The following EPHA3 variants were observed in gnomAD, a reference collection of about 807,000 sequenced individuals.
The protein encoded by EPHA3 is ephrin type-A receptor 3.
Under a neutral mutation model 107.1 loss-of-function variants are expected in EPHA3, and 42 were observed. The ratio of observed to expected loss-of-function variants is 0.39; its 90% CI spans 0.31 to 0.51. The LOEUF is 0.51. Ranked by LOEUF, EPHA3 falls within the 20% of genes least tolerant of loss-of-function variation. The pLI, the probability that EPHA3 is intolerant of heterozygous loss-of-function variation, is 0.78. For synonymous variants in EPHA3, 461 were observed against 424.8 expected, an observed-to-expected ratio of 1.09 and a Z score of -1.05; for missense variants, 1,183 against 1,211.2, an observed-to-expected ratio of 0.98 and a Z score of 0.35.
chr3:89,256,494 T>C (rs1705288763), intron 3 of EPHA3, among the ~76,000 whole-genome samples: 2 of 151,696 alleles, frequency 1.3e-5, no homozygotes, highest in Admixed American at 1.3e-4. Context: ...TCGCTTGGAC[T>C]CAGAGGTTGC....
At chr3:89,238,576 T>C (rs1424376799) in intron 3 of EPHA3, among the ~76,000 whole-genome samples, 1 of 152,202 alleles carries the variant, frequency 6.6e-6, no homozygotes, top group East Asian at 1.9e-4. Flanking sequence ...TCTCTTACTT[T>C]AGGAAAGTAT....
At chr3:89,223,115 A>G (rs538026275) in intron 3 of EPHA3, among the ~76,000 whole-genome samples, 4 of 152,190 alleles carry the variant, frequency 2.6e-5, no homozygotes, top group Non-Finnish European at 5.9e-5. Context: ...AGGGGCTTTC[A>G]TTGTTTATAC....
rs558568937 is a variant in EPHA3 at position 89,303,049 on chromosome 3, C to T, written c.815-37867C>T. ...CTGGGATTACTGGTATCTGCTACCACCCCTGGCTAAGTTTTTTCTATTTTT... is the reference window on the plus strand; with the variant it reads ...CTGGGATTACTGGTATCTGCTACCATCCCTGGCTAAGTTTTTTCTATTTTT... On this transcript the variant is annotated intron_variant, in intron 3 of 16. Coordinates refer to ENST00000336596, the MANE Select transcript of EPHA3 (RefSeq NM_005233.6). Among the ~76,000 whole-genome samples, 13 of 152,042 alleles carry T rather than the reference C, an allele frequency of 8.6e-5. No individual in the cohort carries two copies. The South Asian group carries it at 1.0e-3, about 12-fold the overall frequency.
chr3:89,293,674 C>T (rs1706273357), intron 3 of EPHA3, among the ~76,000 whole-genome samples: 1 of 151,982 alleles, frequency 6.6e-6, no homozygotes, highest in Non-Finnish European at 1.5e-5. Context: ...GCACTTCCCT[C>T]CTTGCTCTTT....
At chr3:89,348,066 C>G (rs1278748130) in intron 5 of EPHA3, among the ~76,000 whole-genome samples, 6 of 149,752 alleles carry the variant, frequency 4.0e-5, no homozygotes, top group African/African-American at 1.2e-4. Context: ...GGATATTGGT[C>G]TAAAATTCTC....
In EPHA3 at chr3:89,197,297, G is replaced by A. The variant is rs185102492; in HGVS notation, c.154-12563G>A. Among the ~76,000 whole-genome samples the A allele has an allele frequency of 7.2e-5, 11 of 151,960 alleles. No homozygotes were observed. The East Asian group carries it at 1.5e-3, about 21-fold the overall frequency. On this transcript the variant is annotated intron_variant, in intron 2 of 16. Coordinates refer to ENST00000336596, the MANE Select transcript of EPHA3 (RefSeq NM_005233.6). Reference sequence around the variant, plus strand: ...AACAACTGTGTAAGCACTTACTATCGATATTATCTATTAAGCCACTAAGCA... The same window carrying A: ...AACAACTGTGTAAGCACTTACTATCAATATTATCTATTAAGCCACTAAGCA...
intron 3 of EPHA3, among the ~76,000 whole-genome samples, chr3:89,210,852 G>A (rs1219832488): frequency 6.6e-6 from 1 of 152,054 alleles, no homozygotes; most frequent in Non-Finnish European, 1.5e-5. Flanking sequence ...CTTTTATGTA[G>A]AAAGTTGAGA....
Position 89,127,157 on chromosome 3 carries a change from T to C in EPHA3, c.89-52T>C, listed in dbSNP as rs1202658776. The stretch of plus-strand genomic sequence containing the variant: ...ACAATGTGAACTCAACAGAAGCAAA[T>C]AGAAATAATTCACTGTTATTAACTG... On this transcript the variant is annotated intron_variant, in intron 1 of 16. Coordinates refer to ENST00000336596, the MANE Select transcript of EPHA3 (RefSeq NM_005233.6). The C allele has an allele frequency of 1.1e-5, 16 of 1,406,950 alleles. No homozygotes were observed. The East Asian group carries it at 2.5e-4, about 22-fold the overall frequency. 87.2% of individuals were successfully genotyped at this position (1,406,950 alleles called of 1,614,324 possible).
intron 13 of EPHA3, among the ~76,000 whole-genome samples, chr3:89,432,451 C>T (rs565758648): frequency 4.3e-4 from 66 of 152,072 alleles, no homozygotes; most frequent in African/African-American, 1.4e-3. Context: ...GGCACAATTA[C>T]GACTCATTGT....
intron 3 of EPHA3, among the ~76,000 whole-genome samples, chr3:89,331,602 A>G (rs189974184): frequency 2.6e-5 from 4 of 152,270 alleles, no homozygotes; most frequent in African/African-American, 9.6e-5. Context: ...ATTCATGTAC[A>G]ATATTGATCC....
chr3:89,235,488 C>T (rs1410131160), intron 3 of EPHA3, among the ~76,000 whole-genome samples: 1 of 151,994 alleles, frequency 6.6e-6, no homozygotes, highest in Non-Finnish European at 1.5e-5. Flanking sequence ...AACTCTCATT[C>T]CTGACTTTAA....
At position 89,276,734 on chromosome 3, in the gene EPHA3, C is replaced by T. The variant is rs549501979; in HGVS notation, c.815-64182C>T. On this transcript the variant is annotated intron_variant, in intron 3 of 16. Coordinates refer to ENST00000336596, the MANE Select transcript of EPHA3 (RefSeq NM_005233.6). ...AGATTTATTATTCTAATCCGAATAG[C>T]CTTCTCAGGAAGTCTAGGTTCCCAT... Among the ~76,000 whole-genome samples the T allele has an allele frequency of 5.3e-5, 8 of 152,116 alleles. No homozygotes were observed. In the East Asian group the frequency reaches 1.5e-3, roughly 29 times the overall value.
Position 89,348,866 on chromosome 3 carries a change from G to A in EPHA3, c.1306+6776G>A, listed in dbSNP as rs1321689623. Among the ~76,000 whole-genome samples the A allele has an allele frequency of 3.0e-4, 40 of 134,806 alleles. 2 individuals are homozygous for A. The highest frequency in any genetic ancestry group is 7.0e-4 in the South Asian group (3 of 4,278). The allele number at this position is 134,806 out of a possible 152,430, so 88.4% of individuals were successfully genotyped here. A position where few individuals can be genotyped will look rare whatever the true frequency, so the allele number is the denominator to read the frequency against. ...ACATCTTTATTTCTGCCTTCATTTC[G>A]TTATGTACCCAGTAGTCATTCAGGA... On this transcript the variant is annotated intron_variant, in intron 5 of 16. Coordinates refer to ENST00000336596, the MANE Select transcript of EPHA3 (RefSeq NM_005233.6).
chr3:89,337,118 C>T (rs1444806593), intron 3 of EPHA3, among the ~76,000 whole-genome samples: 3 of 151,424 alleles, frequency 2.0e-5, no homozygotes, highest in African/African-American at 7.3e-5. Flanking sequence ...AAGACATGTA[C>T]GAGAGAGCAT....
At chr3:89,144,664 A>G (rs1704497062) in intron 2 of EPHA3, among the ~76,000 whole-genome samples, 1 of 151,728 alleles carries the variant, frequency 6.6e-6, no homozygotes, top group Admixed American at 6.6e-5. Flanking sequence ...ACAATACCAT[A>G]CTATTATTTA....
At chr3:89,189,470 G>T (rs1705650434) in intron 2 of EPHA3, among the ~76,000 whole-genome samples, 1 of 152,126 alleles carries the variant, frequency 6.6e-6, no homozygotes, top group Non-Finnish European at 1.5e-5. Flanking sequence ...GCGCGCACCT[G>T]TCATCCCATC....
In EPHA3 at chr3:89,399,044, C is replaced by G. The variant is rs563260938; in HGVS notation, c.1432-274C>G. On this transcript the variant is annotated intron_variant, in intron 6 of 16. Transcript: ENST00000336596. ...ACTCAGGAGGCTGAGGCAGGAAAAT[C>G]GTTTGAACCCAGGAGGCAGAGGTTT... is the stretch of plus-strand genomic sequence containing the variant. Among the ~76,000 whole-genome samples, 32 of 151,750 alleles carry G rather than the reference C, an allele frequency of 2.1e-4. No individual in the cohort carries two copies. In the East Asian group the frequency reaches 6.2e-3, roughly 30 times the overall value.
intron 13 of EPHA3, among the ~76,000 whole-genome samples, chr3:89,435,973 A>G (rs930100318): frequency 3.3e-5 from 5 of 151,058 alleles, no homozygotes; most frequent in African/African-American, 1.2e-4. Flanking sequence ...ATAATAATTA[A>G]TTAATAAAAA....
At position 89,378,900 on chromosome 3, in the gene EPHA3, T is replaced by G. The variant is rs1283541565; in HGVS notation, c.1307-16937T>G. Among the ~76,000 whole-genome samples, 5 of 152,240 alleles carry G rather than the reference T, an allele frequency of 3.3e-5. No individual in the cohort carries two copies. In the East Asian group the frequency reaches 9.6e-4, roughly 29 times the overall value. ...TCAGTTCTCAAAATTCTGAGATCAA[T>G]TATGTGAAATATTCATAATGGCAAA... On this transcript the variant is annotated intron_variant, in intron 5 of 16. Transcript: ENST00000336596.
Sources: gnomAD v4.1 joint callset for allele counts (sites outside exome capture counted in the v4.1 genomes callset) on GRCh38, gnomAD v4.1.1 for gene constraint, MANE v1.5 for transcripts, NCBI Gene and HGNC (gene_info 2026-07-23, HGNC 2026-07-21) for gene names.